Variants in MRPS6 observed in about 807,000 individuals in gnomAD.
MRPS6 encodes mitochondrial ribosomal protein S6, also known as small ribosomal subunit protein bS6m.
MRPS6 carries 6 observed loss-of-function variants against 13.1 expected under a neutral mutation model. The observed-to-expected ratio is 0.46, with a 90% CI of 0.25 to 0.91. MRPS6 has a LOEUF of 0.91. MRPS6 is among the 40% of genes least tolerant of loss of function. The probability of loss-of-function intolerance (pLI) is 0.18; values close to 1 mark genes in which losing one functional copy is unlikely to be tolerated. For synonymous variants in MRPS6, 61 were observed against 56.5 expected (o/e 1.08, Z -0.36); for missense variants, 164 against 155.6 (o/e 1.05, Z -0.29).
chr21:34,078,716 A>C (rs572861099), intron 1 of MRPS6, among the ~76,000 whole-genome samples: 5 of 152,368 alleles, frequency 3.3e-5, no homozygotes, highest in Non-Finnish European at 5.9e-5. Context: ...CATCTAAAAG[A>C]AACCTGGAAT....
rs1250000429 is a variant in MRPS6 at position 34,073,589 on chromosome 21, C to A, written c.-112C>A. 16 of 946,202 alleles carry A rather than the reference C, an allele frequency of 1.7e-5. No homozygotes were observed. In the South Asian group the frequency reaches 2.2e-4, roughly 13 times the overall value. The allele number at this position is 946,202 out of a possible 1,614,324, so 58.6% of individuals were successfully genotyped here. A position where few individuals can be genotyped will look rare whatever the true frequency, so the allele number is the denominator to read the frequency against. Reference sequence around the variant, plus strand: ...CGCTCTCGGACCGTGCTTTCGCCGCCTGGGAGCCGTCCGGCGCAGCAGTTT... The same window carrying A: ...CGCTCTCGGACCGTGCTTTCGCCGCATGGGAGCCGTCCGGCGCAGCAGTTT... On this transcript the variant is annotated 5_prime_UTR_variant, in exon 1 of 3. It adds an upstream start codon to the 5' untranslated region. Transcript: ENST00000399312.
intron 1 of MRPS6, among the ~76,000 whole-genome samples, chr21:34,087,410 C>A (rs1289149538): frequency 6.6e-6 from 1 of 152,100 alleles, no homozygotes; most frequent in Non-Finnish European, 1.5e-5. Context: ...CATTTGAGCA[C>A]CTGTAATATG....
At position 34,103,993 on chromosome 21, in the gene MRPS6, A is replaced by G. The variant is rs888877360; in HGVS notation, c.46-21348A>G. 6 of 999,974 alleles carry G rather than the reference A, an allele frequency of 6.0e-6. No individual in the cohort carries two copies. The African/African-American group carries it at 1.0e-4, about 17-fold the overall frequency. 61.9% of individuals were successfully genotyped at this position (999,974 alleles called of 1,614,324 possible). A position where few individuals can be genotyped will look rare whatever the true frequency, so the allele number is the denominator to read the frequency against. ...TTGGGGTTTTTTGTAAAAAATCTTA[A>G]ATCTTTTAGGAAATATTACCTCTTA... On this transcript the variant is annotated intron_variant, in intron 1 of 2. Transcript: ENST00000399312.
chr21:34,113,258 G>T (rs139763383), intron 1 of MRPS6, among the ~76,000 whole-genome samples: 130 of 152,250 alleles, frequency 8.5e-4, no homozygotes, highest in African/African-American at 2.9e-3. Flanking sequence ...AATCAGCATC[G>T]AAGAGGTGTC....
intron 1 of MRPS6, chr21:34,101,894 C>G (rs1391678468): frequency 1.0e-6 from 1 of 999,998 alleles, no homozygotes; most frequent in Non-Finnish European, 1.2e-6. Flanking sequence ...CAGTAGTGAT[C>G]ATTTATGTGA....
At position 34,073,716 on chromosome 21, in the gene MRPS6, C is replaced by G; in HGVS notation, c.16C>G (p.Leu6Val). The G allele has an allele frequency of 6.5e-7, 1 of 1,529,450 alleles. No individual in the cohort carries two copies. Among genetic ancestry groups the G allele is most frequent in the Non-Finnish European group, 8.8e-7 (1 of 1,132,180 alleles). 94.7% of individuals were successfully genotyped at this position (1,529,450 alleles called of 1,614,324 possible). Residue 6 changes from leucine (L) to valine (V), a missense_variant, in exon 1 of 3, where the codon CTG becomes GTG. Transcript: ENST00000399312. Reference protein sequence around the residue: MPRYELALILKAMQRP... With the variant: MPRYEVALILKAMQRP... ...TCCTCCAGGCATGCCCCGCTACGAG[C>G]TGGCTTTAATCCTGAAAGCCATGCA...
chr21:34,122,210 A>C (rs1980144019), intron 1 of MRPS6: 1 of 152,208 alleles, frequency 6.6e-6, no homozygotes. Flanking sequence ...AAGTAGCCAT[A>C]GACACTATGC....
intron 1 of MRPS6, among the ~76,000 whole-genome samples, chr21:34,112,592 C>G (rs529900992): frequency 6.6e-5 from 10 of 152,210 alleles, no homozygotes; most frequent in Non-Finnish European, 1.3e-4. Context: ...CTATTCTCTC[C>G]CCACTATCCC....
intron 1 of MRPS6, chr21:34,124,523 A>G (rs1222085357): frequency 6.7e-6 from 1 of 148,622 alleles, no homozygotes; most frequent in Non-Finnish European, 1.5e-5. Flanking sequence ...TTTAAATAAC[A>G]GGCCTTGATT....
chr21:34,096,319 C>T lies in MRPS6; in HGVS notation c.45+22574C>T. 6.2e-7 allele frequency: 1 copy of T among 1,614,112 alleles called. No homozygotes were observed. Among genetic ancestry groups the T allele is most frequent in the South Asian group, 1.1e-5 (1 of 91,086 alleles). On this transcript the variant is annotated intron_variant, in intron 1 of 2. Transcript: ENST00000399312. The surrounding 1 kb of genome is among the most constrained non-coding windows in gnomAD (Gnocchi z 5.9). ...TTAATGATGGCAGTGATGATTGCAG[C>T]TCTGATGAGTGACTTAGACTCTATC...
intron 1 of MRPS6, among the ~76,000 whole-genome samples, chr21:34,084,609 G>C (rs1989530704): frequency 6.6e-6 from 1 of 152,076 alleles, no homozygotes; most frequent in Admixed American, 6.5e-5. Context: ...CAATTCTCTT[G>C]AATCCTCAGC....
In MRPS6 at chr21:34,086,906, C is replaced by T. The variant is rs149666260; in HGVS notation, c.45+13161C>T. On this transcript the variant is annotated intron_variant, in intron 1 of 2. Transcript: ENST00000399312. ...TGAGCTGAAGGGAATTGTTGCTTGCCGGCACTGACCTGCTCTTTCAGCTGT... is the reference window on the plus strand; with the variant it reads ...TGAGCTGAAGGGAATTGTTGCTTGCTGGCACTGACCTGCTCTTTCAGCTGT... Among the ~76,000 whole-genome samples the T allele has an allele frequency of 1.2e-3, 187 of 152,214 alleles. 1 individual carries two copies. The highest frequency in any genetic ancestry group is 4.1e-3 in the African/African-American group (172 of 41,516).
At chr21:34,099,810 T>G in intron 1 of MRPS6, 6 of 710,558 alleles carry the variant, frequency 8.4e-6, no homozygotes, top group Non-Finnish European at 1.1e-5. Context: ...TGTTTATTCT[T>G]GCCAGTATAA....
intron 1 of MRPS6, chr21:34,105,197 T>G: frequency 1.0e-6 from 1 of 1,000,314 alleles, no homozygotes; most frequent in Non-Finnish European, 1.2e-6. Context: ...CCAGCAGAGT[T>G]CAGAAATAGA....
chr21:34,078,151 T>C (rs955759800), intron 1 of MRPS6, among the ~76,000 whole-genome samples: 9 of 152,198 alleles, frequency 5.9e-5, no homozygotes, highest in Non-Finnish European at 1.0e-4. Flanking sequence ...GTCTTTTTTT[T>C]CTTCCCATGG....
At chr21:34,101,740 A>C (rs1979246160) in intron 1 of MRPS6, 1 of 992,436 alleles carries the variant, frequency 1.0e-6, no homozygotes, top group East Asian at 1.1e-4. Context: ...TGACTCATTA[A>C]ATATAATTAT....
chr21:34,088,812 A>G (rs1978530937), intron 1 of MRPS6, among the ~76,000 whole-genome samples: 1 of 152,158 alleles, frequency 6.6e-6, no homozygotes, highest in African/African-American at 2.4e-5. Context: ...GGATTAAAGT[A>G]ATGCACATAA....
chr21:34,082,831 A>T, intron 1 of MRPS6, among the ~76,000 whole-genome samples: 1 of 152,262 alleles, frequency 6.6e-6, no homozygotes, highest in African/African-American at 2.4e-5. Flanking sequence ...TTTTGGCCCA[A>T]GGTGTAATTG....
intron 1 of MRPS6, among the ~76,000 whole-genome samples, chr21:34,116,503 C>T (rs1286123174): frequency 6.6e-6 from 1 of 151,992 alleles, no homozygotes; most frequent in Non-Finnish European, 1.5e-5. Flanking sequence ...GATTTCCATT[C>T]ATTCACTATC....
Sources: allele counts gnomAD v4.1 joint callset (sites outside exome capture counted in the v4.1 genomes callset), GRCh38; gene constraint gnomAD v4.1.1; non-coding constraint Gnocchi (gnomAD v3.1); transcripts MANE v1.5; gene names NCBI Gene and HGNC (gene_info 2026-07-23, HGNC 2026-07-21).